Variants in SFPQ observed in about 807,000 individuals in gnomAD.
SFPQ encodes splicing factor proline and glutamine rich, also known as splicing factor, proline- and glutamine-rich.
Under a neutral mutation model 72.9 loss-of-function variants are expected in SFPQ, and 11 were observed. That is an observed-to-expected ratio of 0.15 (90% CI 0.09 to 0.25). The LOEUF (loss-of-function observed/expected upper bound fraction) is 0.25, where lower values mean the gene tolerates loss of function less well. Ranked by LOEUF, SFPQ falls within the 10% of genes least tolerant of loss-of-function variation. The probability of loss-of-function intolerance (pLI) is 1.00; values close to 1 mark genes in which losing one functional copy is unlikely to be tolerated. For synonymous variants in SFPQ, 506 were observed against 367.3 expected (o/e 1.38, Z -4.32); for missense variants, 847 against 993.3 (o/e 0.85, Z 1.98).
chr1:35,191,371 G>A lies in SFPQ; in HGVS notation c.987C>T (p.Asn329=), dbSNP rs1227601359. ...KYGEPGEVFI[N]KGKGFGFIKL... is the part of the protein sequence containing the mutation. ...TAATAAATCCGAATCCTTTGCCTTT[G>A]TTGATAAAAACTTCTCCTGGTTCTC... Residue 329 remains asparagine (N), a synonymous_variant, in exon 2 of 10, where the codon AAC becomes AAT. Coordinates refer to ENST00000357214, the MANE Select transcript of SFPQ (RefSeq NM_005066.3). 6.2e-7 allele frequency: 1 copy of A among 1,613,752 alleles called. No homozygotes were observed. Among genetic ancestry groups the A allele is most frequent in the Non-Finnish European group, 8.5e-7 (1 of 1,179,856 alleles).
Position 35,184,550 on chromosome 1 carries a change from C to T in SFPQ, c.2030G>A (p.Gly677Glu). The T allele has an allele frequency of 1.9e-6, 3 of 1,612,486 alleles. No homozygotes were observed. The highest frequency in any genetic ancestry group is 2.5e-6 in the Non-Finnish European group (3 of 1,179,384). The change falls in exon 10 of 10, where the codon GGA becomes GAA. Residue 677 changes from glycine to glutamate, a missense_variant. By Grantham distance (98) the Gly-to-Glu change is moderately conservative. Coordinates refer to ENST00000357214, the MANE Select transcript of SFPQ (RefSeq NM_005066.3). ...AGGCCCCATTCCTCTAGGACCCTGT[C>T]CACCCACAGGCCCCGCACCTCCCTG... ...FGQGGAGPVGGQGPRGMGPGT... is the reference protein window; with the variant it reads ...FGQGGAGPVGEQGPRGMGPGT...
At chr1:35,180,476 T>C (rs1639421735), downstream of SFPQ, 30 of 1,050,474 alleles carry the variant, frequency 2.9e-5, no homozygotes, top group Non-Finnish European at 3.3e-5. Context: ...TCGACTGTAG[T>C]CAAGTCAATG....
downstream of SFPQ, chr1:35,180,923 A>G: frequency 1.0e-6 from 1 of 985,320 alleles, no homozygotes; most frequent in Non-Finnish European, 1.2e-6. Context: ...TCAAGTTTGC[A>G]CTTTTTATCT....
downstream of SFPQ, chr1:35,181,544 G>T: frequency 9.4e-7 from 1 of 1,062,474 alleles, no homozygotes; most frequent in Non-Finnish European, 1.1e-6. Context: ...TCACTAACAT[G>T]AGCCAATGGG....
At chr1:35,178,205 AAAT>A (rs1639326014), downstream of SFPQ, 1 of 1,088,642 alleles carries the variant, frequency 9.2e-7, no homozygotes, top group Non-Finnish European at 1.1e-6. Flanking sequence ...GGGAAATCTA[AAAT>A]TATTCTTACA....
At chr1:35,182,287 T>C (rs1424262358), downstream of SFPQ, 6 of 985,168 alleles carry the variant, frequency 6.1e-6, no homozygotes, top group African/African-American at 1.0e-4. Flanking sequence ...GATTCCTTTC[T>C]AATCAAGACC....
At chr1:35,179,568 G>GT (rs141501680), downstream of SFPQ, 2 of 1,052,242 alleles carry the variant, frequency 1.9e-6, no homozygotes, top group Non-Finnish European at 2.3e-6. Context: ...AGCTTTTTGA[G>GT]TTTTTTAAAA....
chr1:35,192,214 A>C lies in SFPQ; in HGVS notation c.828+8T>G. On this transcript the variant is annotated splice_region_variant and intron_variant, in intron 1 of 9. Transcript: ENST00000357214. ...GGGAGCCGACGCGTCGCTCCCATAG[A>C]CACTCACCTCCGAGTCCGAGATCTT... 6.9e-7 allele frequency: 1 copy of C among 1,450,682 alleles called. No individual in the cohort carries two copies. 89.9% of individuals were successfully genotyped at this position (1,450,682 alleles called of 1,614,324 possible). A position where few individuals can be genotyped will look rare whatever the true frequency, so the allele number is the denominator to read the frequency against.
Position 35,187,264 on chromosome 1 carries a change from A to T in SFPQ, c.1816-13T>A, listed in dbSNP as rs1639766028. The stretch of plus-strand genomic sequence containing the variant: ...TGTCTCTTTCCCGCTGCAAGAAAAA[A>T]ATTCCTTTCAATATACCTGCACTAT... On this transcript the variant is annotated splice_polypyrimidine_tract_variant and intron_variant, in intron 7 of 9. Transcript: ENST00000357214. 4 of 1,613,362 alleles carry T rather than the reference A, an allele frequency of 2.5e-6. No homozygotes were observed. Among genetic ancestry groups the T allele is most frequent in the Non-Finnish European group, 3.4e-6 (4 of 1,179,420 alleles).
At chr1:35,182,080 A>G, downstream of SFPQ, 1 of 985,392 alleles carries the variant, frequency 1.0e-6, no homozygotes, top group Non-Finnish European at 1.2e-6. Context: ...GGTCTGTGCC[A>G]GCATCCCTTA....
In SFPQ at chr1:35,183,582, T is replaced by C. The variant is rs1639572726; in HGVS notation, c.*874A>G. On this transcript the variant is annotated 3_prime_UTR_variant, in exon 10 of 10. Coordinates refer to ENST00000357214, the MANE Select transcript of SFPQ (RefSeq NM_005066.3). Reference sequence around the variant, plus strand: ...ACTACACCCCATCTTTATAAATCACTTGAATACATGAAAAGACTTCATGTT... The same window carrying C: ...ACTACACCCCATCTTTATAAATCACCTGAATACATGAAAAGACTTCATGTT... 9.8e-7 allele frequency: 1 copy of C among 1,022,038 alleles called. No homozygotes were observed. Among genetic ancestry groups the C allele is most frequent in the Admixed American group, 5.8e-5 (1 of 17,174 alleles). 63.3% of individuals were successfully genotyped at this position (1,022,038 alleles called of 1,614,324 possible). A position where few individuals can be genotyped will look rare whatever the true frequency, so the allele number is the denominator to read the frequency against.
chr1:35,181,679 G>A, downstream of SFPQ: 1 of 1,060,828 alleles, frequency 9.4e-7, no homozygotes, highest in Non-Finnish European at 1.1e-6. Flanking sequence ...AAGTGGAGAA[G>A]AGGAAATGGG....
chr1:35,186,946 C>T (rs981821108), intron 9 of SFPQ, 55 bp downstream of exon 9: 12 of 1,560,486 alleles, frequency 7.7e-6, no homozygotes, highest in African/African-American at 4.1e-5. Context: ...AACAAACACA[C>T]CTAAGTTGTG....
At chr1:35,180,627 T>C (rs1639427877), downstream of SFPQ, 1 of 1,051,022 alleles carries the variant, frequency 9.5e-7, no homozygotes, top group Non-Finnish European at 1.1e-6. Flanking sequence ...TTAAAAATTT[T>C]AAATCGCATT....
chr1:35,177,128 T>G (rs1639278161), intron 5 of SFPQ: 1 of 152,134 alleles, frequency 6.6e-6, no homozygotes. Flanking sequence ...GGCAGGAGAA[T>G]CGCTTGAACC....
At chr1:35,186,956 G>A (rs763418156) in intron 9 of SFPQ, 45 bp downstream of exon 9, 2 of 1,568,192 alleles carry the variant, frequency 1.3e-6, no homozygotes, top group South Asian at 1.2e-5. Context: ...CCTAAGTTGT[G>A]AAAATGAGAA....
At chr1:35,179,253 C>T (rs756275380), downstream of SFPQ, 2 of 1,061,092 alleles carry the variant, frequency 1.9e-6, no homozygotes, top group Non-Finnish European at 2.3e-6. Flanking sequence ...AGGAGACATG[C>T]AACCCCCATT....
downstream of SFPQ, chr1:35,182,046 T>C: frequency 3.0e-6 from 3 of 985,312 alleles, no homozygotes; most frequent in Non-Finnish European, 3.6e-6. Context: ...AAAGGTACAG[T>C]ACTACCAAAA....
intron 9 of SFPQ, 121 bp downstream of exon 9, chr1:35,186,880 G>C: frequency 1.1e-6 from 1 of 902,468 alleles, no homozygotes; most frequent in Middle Eastern, 3.4e-4. Context: ...GTATGAAATT[G>C]GTAGGGGAAA....
Sources: gnomAD v4.1 joint callset for allele counts on GRCh38, gnomAD v4.1.1 for gene constraint, MANE v1.5 for transcripts, NCBI Gene and HGNC (gene_info 2026-07-23, HGNC 2026-07-21) for gene names.